The following RNF19A variants were observed in gnomAD, a reference collection of about 807,000 sequenced individuals.
The protein encoded by RNF19A is E3 ubiquitin-protein ligase RNF19A.
A neutral mutation model predicts 75.7 loss-of-function variants in RNF19A; 32 were observed. The observed-to-expected ratio is 0.42, with a 90% CI of 0.32 to 0.57. The LOEUF (loss-of-function observed/expected upper bound fraction) is 0.57, where lower values mean the gene tolerates loss of function less well. Ranked by LOEUF, RNF19A falls within the 20% of genes least tolerant of loss-of-function variation. The pLI is 0.10. For missense variants in RNF19A, 782 were observed against 1,036.3 expected (o/e 0.75, Z 3.37); for synonymous variants, 335 against 345.2 (o/e 0.97, Z 0.33).
At chr8:100,296,941 A>C (rs1052592184) in intron 1 of RNF19A, among the ~76,000 whole-genome samples, 3 of 152,210 alleles carry the variant, frequency 2.0e-5, no homozygotes, top group Admixed American at 1.3e-4. Flanking sequence ...CATTATGTGG[A>C]TAGATGGCCG....
Position 100,260,281 on chromosome 8 carries a change from C to A in RNF19A, c.1683-284G>T, listed in dbSNP as rs568153882. 4.1e-4 allele frequency among the ~76,000 whole-genome samples: 62 copies of A among 152,268 alleles called. No homozygotes were observed. The highest frequency in any genetic ancestry group is 5.0e-4 in the Non-Finnish European group (34 of 68,022). On this transcript the variant is annotated intron_variant, in intron 8 of 9. Coordinates refer to ENST00000341084, the MANE Select transcript of RNF19A (RefSeq NM_183419.4). This position sits in a 1 kb window ranked among gnomAD's most constrained non-coding sequence, Gnocchi z 4.1. ...ACTTAAATGTACTCCATTATTCTCA[C>A]TCAGCATATGGCACTTTGTAATGTT...
intron 2 of RNF19A, among the ~76,000 whole-genome samples, chr8:100,285,578 T>C (rs1216891742): frequency 6.6e-6 from 1 of 152,140 alleles, no homozygotes; most frequent in Admixed American, 6.5e-5. Context: ...ACTGTCTTAA[T>C]ATCTCCTGGC....
At chr8:100,313,131 C>T (rs998934161), upstream of RNF19A, among the ~76,000 whole-genome samples, 10 of 152,102 alleles carry the variant, frequency 6.6e-5, no homozygotes, top group Middle Eastern at 3.2e-3. Flanking sequence ...AACATCAATT[C>T]GATAAACATT....
In RNF19A at chr8:100,269,790, A is replaced by G; in HGVS notation, c.1028+79T>C. The G allele has an allele frequency of 8.6e-7, 1 of 1,168,300 alleles. No individual in the cohort carries two copies. Among genetic ancestry groups the G allele is most frequent in the South Asian group, 2.5e-5 (1 of 40,724 alleles). The allele number at this position is 1,168,300 out of a possible 1,614,324, so 72.4% of individuals were successfully genotyped here. ...CCAATCCCTTTAAGTATCTTATAAA[A>G]CCCAAATTTAAGACAAGTTATTTTG... On this transcript the variant is annotated intron_variant, in intron 4 of 9. Coordinates refer to ENST00000341084, the MANE Select transcript of RNF19A (RefSeq NM_183419.4). This position sits in a 1 kb window ranked among gnomAD's most constrained non-coding sequence, Gnocchi z 5.7.
intron 1 of RNF19A, among the ~76,000 whole-genome samples, chr8:100,303,761 TAAAAAAAAAAAA>T (rs60110792): frequency 3.2e-5 from 3 of 94,356 alleles, no homozygotes; most frequent in South Asian, 3.3e-4. Context: ...TCGCCGCTTG[TAAAAAAAAAAAA>T]AAAAAAAAAA....
At chr8:100,305,329 T>C (rs914955375) in intron 1 of RNF19A, among the ~76,000 whole-genome samples, 5 of 152,194 alleles carry the variant, frequency 3.3e-5, no homozygotes, top group African/African-American at 1.2e-4. Flanking sequence ...CGAAGGTGTA[T>C]GCAATTCTGT....
chr8:100,301,544 C>A (rs1449556650), intron 1 of RNF19A, among the ~76,000 whole-genome samples: 1 of 152,184 alleles, frequency 6.6e-6, no homozygotes, highest in African/African-American at 2.4e-5. Context: ...CTTAACAAAA[C>A]ATATATAGTT....
chr8:100,263,435 G>C (rs74736045), intron 7 of RNF19A, among the ~76,000 whole-genome samples: 3,673 of 152,264 alleles, frequency 0.024, 340 homozygotes, highest in East Asian at 0.23. Flanking sequence ...TGGAGTGGTA[G>C]GGACAAAAAT....
chr8:100,325,769 A>ACG lies in RNF19A; in HGVS notation c.-243+10338_-243+10339insCG, dbSNP rs909418666. Among the ~76,000 whole-genome samples, 11 of 151,694 alleles carry ACG rather than the reference A, an allele frequency of 7.3e-5. No homozygotes were observed. The highest frequency in any genetic ancestry group is 5.3e-4 in the Admixed American group (8 of 15,190). ...GTATTTATGTGTGAGTATGTATTAC[A>ACG]CACACACACACACATTTATATCCAT... is the stretch of plus-strand genomic sequence containing the variant. On this transcript the variant is annotated intron_variant, in intron 1 of 3. Coordinates refer to the RNF19A transcript ENST00000519527. The surrounding 1 kb of genome is among the most constrained non-coding windows in gnomAD (Gnocchi z 4.3).
chr8:100,292,438 GTGTGTGTGTGTGTGTGT>G (rs1821347115), intron 1 of RNF19A, among the ~76,000 whole-genome samples: 1 of 143,260 alleles, frequency 7.0e-6, no homozygotes, highest in African/African-American at 2.5e-5. Context: ...TCATATGGGT[GTGTGTGTGTGTGTGTGT>G]GTGTGTGTGT....
chr8:100,306,886 G>C (rs1305320394), intron 1 of RNF19A, among the ~76,000 whole-genome samples: 1 of 152,086 alleles, frequency 6.6e-6, no homozygotes, highest in African/African-American at 2.4e-5. Context: ...CCTAAGTAAA[G>C]AAAAATTTAG....
In RNF19A at chr8:100,259,393, T is replaced by C. The variant is rs1730505711; in HGVS notation, c.1827-147A>G. 3.2e-6 allele frequency: 2 copies of C among 633,534 alleles called. No homozygotes were observed. The highest frequency in any genetic ancestry group is 1.8e-5 in the African/African-American group (1 of 54,542). 39.2% of individuals were successfully genotyped at this position (633,534 alleles called of 1,614,324 possible). A position where few individuals can be genotyped will look rare whatever the true frequency, so the allele number is the denominator to read the frequency against. The stretch of plus-strand genomic sequence containing the variant: ...CAGAACACGTTCTACTTAAAAAACA[T>C]ACTTGATATAACAGAACTCTTTATA... On this transcript the variant is annotated intron_variant, in intron 9 of 9. Transcript: ENST00000341084. This position sits in a 1 kb window ranked among gnomAD's most constrained non-coding sequence, Gnocchi z 4.5.
intron 1 of RNF19A, among the ~76,000 whole-genome samples, chr8:100,304,503 C>G (rs564053484): frequency 3.3e-5 from 5 of 152,204 alleles, no homozygotes; most frequent in Middle Eastern, 6.3e-3. Context: ...CCCCCACTTA[C>G]GCACTCACAT....
At chr8:100,315,950 G>C (rs925836445) in intron 1 of RNF19A, among the ~76,000 whole-genome samples, 1 of 152,240 alleles carries the variant, frequency 6.6e-6, no homozygotes, top group Non-Finnish European at 1.5e-5. Context: ...CAGCATAAGT[G>C]TGGCTGGAAT....
intron 1 of RNF19A, among the ~76,000 whole-genome samples, chr8:100,292,841 A>G (rs1223795670): frequency 1.3e-5 from 2 of 152,144 alleles, no homozygotes; most frequent in Non-Finnish European, 2.9e-5. Flanking sequence ...CTATAAGCTT[A>G]CCAAGTCTTC....
chr8:100,270,643 A>G (rs577121725), intron 3 of RNF19A, among the ~76,000 whole-genome samples: 1 of 152,276 alleles, frequency 6.6e-6, no homozygotes, highest in Admixed American at 6.5e-5. Context: ...TACCCAAAAT[A>G]CAAGGAAGGA....
At chr8:100,289,129 G>C (rs1821174902) in intron 1 of RNF19A, among the ~76,000 whole-genome samples, 1 of 150,842 alleles carries the variant, frequency 6.6e-6, no homozygotes, top group Admixed American at 6.6e-5. Context: ...ATGTTGCTGA[G>C]AACTGAGAAT....
intron 1 of RNF19A, among the ~76,000 whole-genome samples, chr8:100,296,205 A>G (rs1185614173): frequency 6.6e-6 from 1 of 152,092 alleles, no homozygotes; most frequent in Non-Finnish European, 1.5e-5. Context: ...CCTGAGTTCA[A>G]GCGATTCTTG....
chr8:100,322,144 A>T lies in RNF19A; in HGVS notation c.-242-8772T>A, dbSNP rs1049753386. Among the ~76,000 whole-genome samples, 7 of 152,232 alleles carry T rather than the reference A, an allele frequency of 4.6e-5. No homozygotes were observed. The highest frequency in any genetic ancestry group is 7.3e-5 in the Non-Finnish European group (5 of 68,040). On this transcript the variant is annotated intron_variant, in intron 1 of 3. Transcript: ENST00000519527. This position sits in a 1 kb window ranked among gnomAD's most constrained non-coding sequence, Gnocchi z 5.1. The stretch of plus-strand genomic sequence containing the variant: ...GTCAGCCTCTCCTTTGAAGCTTTGA[A>T]GCCAAGCATTGACTTCTCCTCTCTA...
Sources: gnomAD v4.1 joint callset for allele counts (sites outside exome capture counted in the v4.1 genomes callset) on GRCh38, gnomAD v4.1.1 for gene constraint, Gnocchi (gnomAD v3.1) non-coding constraint, MANE v1.5 for transcripts, NCBI Gene and HGNC (gene_info 2026-07-23, HGNC 2026-07-21) for gene names.